The following RORA variants were observed in gnomAD, a reference collection of about 807,000 sequenced individuals.
RORA encodes nuclear receptor ROR-alpha.
A neutral mutation model predicts 69.5 loss-of-function variants in RORA; 7 were observed. That is an observed-to-expected ratio of 0.10 (90% CI 0.06 to 0.19). RORA has a LOEUF of 0.19. Among genes scored for constraint, RORA ranks in the 10% least tolerant of loss-of-function variants. RORA has a pLI of 1.00. For missense variants in RORA, 457 were observed against 663.0 expected, an observed-to-expected ratio of 0.69 and a Z score of 3.41; for synonymous variants, 261 against 240.8, an observed-to-expected ratio of 1.08 and a Z score of -0.78.
intron 1 of RORA, among the ~76,000 whole-genome samples, chr15:60,932,830 A>G (rs1448963962): frequency 6.6e-6 from 1 of 152,170 alleles, no homozygotes; most frequent in Non-Finnish European, 1.5e-5. Context: ...TTGTCTGCAA[A>G]GGGATGAATG....
At chr15:60,947,033 C>T (rs549045666) in intron 1 of RORA, among the ~76,000 whole-genome samples, 1 of 149,582 alleles carries the variant, frequency 6.7e-6, no homozygotes, top group Non-Finnish European at 1.5e-5. Context: ...CCAGCCCCCG[C>T]CCGGCCAGCC....
At chr15:61,206,572 G>A (rs2079943660) in intron 1 of RORA, among the ~76,000 whole-genome samples, 1 of 152,160 alleles carries the variant, frequency 6.6e-6, no homozygotes, top group African/African-American at 2.4e-5. Flanking sequence ...AAAAGAGGAT[G>A]CTGACCATCC....
intron 3 of RORA, among the ~76,000 whole-genome samples, chr15:60,523,084 A>T (rs1016793371): frequency 6.6e-6 from 1 of 152,054 alleles, no homozygotes; most frequent in Non-Finnish European, 1.5e-5. Context: ...ATAATAATGC[A>T]GATTAAACTT....
intron 10 of RORA, among the ~76,000 whole-genome samples, chr15:60,498,166 C>T (rs1361918433): frequency 1.3e-5 from 2 of 152,292 alleles, no homozygotes; most frequent in Non-Finnish European, 2.9e-5. Context: ...AAAAGATGTT[C>T]ATAAGCAAAA....
intron 1 of RORA, among the ~76,000 whole-genome samples, chr15:61,175,333 C>T (rs1264172444): frequency 6.6e-6 from 1 of 152,046 alleles, no homozygotes; most frequent in African/African-American, 2.4e-5. Flanking sequence ...GCCAAGCTGC[C>T]TCAAGGGCAG....
intron 1 of RORA, among the ~76,000 whole-genome samples, chr15:61,058,230 G>C (rs2078122773): frequency 2.0e-5 from 3 of 152,112 alleles, no homozygotes; most frequent in Non-Finnish European, 4.4e-5. Flanking sequence ...TTTTAGATGA[G>C]GGAAATATAG....
chr15:60,847,210 G>A (rs1372639177), intron 1 of RORA, among the ~76,000 whole-genome samples: 1 of 151,960 alleles, frequency 6.6e-6, no homozygotes, highest in Non-Finnish European at 1.5e-5. Context: ...AAAAAAATCG[G>A]GCTTTGGCTG....
At chr15:60,500,357 A>T (rs746461101) in intron 9 of RORA, among the ~76,000 whole-genome samples, 14 of 152,158 alleles carry the variant, frequency 9.2e-5, no homozygotes, top group Non-Finnish European at 1.9e-4. Context: ...TTCATTATCG[A>T]TCCTGCTAGC....
rs1450585071 is a variant in RORA at position 61,058,522 on chromosome 15, A to G, written c.166+170531T>C. On this transcript the variant is annotated intron_variant, in intron 1 of 10. Coordinates refer to ENST00000335670, the MANE Select transcript of RORA (RefSeq NM_134261.3). ...TTAAGGCCCTGGGTTCAGGTCTGTGATAGAAGTAAGCAAAAGGGGTAATCT... is the reference window on the plus strand; with the variant it reads ...TTAAGGCCCTGGGTTCAGGTCTGTGGTAGAAGTAAGCAAAAGGGGTAATCT... 3.3e-5 allele frequency among the ~76,000 whole-genome samples: 5 copies of G among 152,196 alleles called. No individual in the cohort carries two copies. In the East Asian group the frequency reaches 9.6e-4, roughly 29 times the overall value.
intron 5 of RORA, 128 bp from the exon 6 acceptor site, chr15:60,505,757 C>T (rs543542546): frequency 2.9e-6 from 3 of 1,035,496 alleles, no homozygotes; most frequent in African/African-American, 1.6e-5. Flanking sequence ...TGTCTTTACA[C>T]ATTTAAACAA....
intron 1 of RORA, among the ~76,000 whole-genome samples, chr15:60,902,426 A>G (rs887580100): frequency 6.6e-6 from 1 of 152,160 alleles, no homozygotes; most frequent in Admixed American, 6.6e-5. Flanking sequence ...AATGGGTTTG[A>G]AAAAAGAAAG....
intron 1 of RORA, among the ~76,000 whole-genome samples, chr15:60,779,646 C>A (rs2072225599): frequency 6.6e-6 from 1 of 152,218 alleles, no homozygotes; most frequent in Non-Finnish European, 1.5e-5. Flanking sequence ...TGTTAGTAAT[C>A]CACACTTCTT....
At chr15:60,950,198 A>G (rs958661345) in intron 1 of RORA, among the ~76,000 whole-genome samples, 1 of 151,660 alleles carries the variant, frequency 6.6e-6, no homozygotes, top group African/African-American at 2.4e-5. Flanking sequence ...AAGCTTCATA[A>G]GTGAAGGAGA....
intron 1 of RORA, among the ~76,000 whole-genome samples, chr15:60,904,960 T>C (rs1219318506): frequency 1.3e-5 from 2 of 152,090 alleles, no homozygotes; most frequent in Admixed American, 1.3e-4. Flanking sequence ...AAAACACATA[T>C]AAAACATGTC....
chr15:60,692,658 G>A (rs1766267777), intron 1 of RORA, among the ~76,000 whole-genome samples: 1 of 152,202 alleles, frequency 6.6e-6, no homozygotes, highest in Non-Finnish European at 1.5e-5. Flanking sequence ...ATGTTGGTAA[G>A]GCTGAATCTG....
chr15:60,691,189 C>T (rs2070817609), intron 1 of RORA, among the ~76,000 whole-genome samples: 1 of 152,154 alleles, frequency 6.6e-6, no homozygotes, highest in Non-Finnish European at 1.5e-5. Flanking sequence ...CCATTCAGAT[C>T]TTTGCTCAGC....
intron 1 of RORA, among the ~76,000 whole-genome samples, chr15:61,120,879 G>T (rs369551733): frequency 6.6e-6 from 1 of 150,904 alleles, no homozygotes; most frequent in Non-Finnish European, 1.5e-5. Context: ...ATCGAGTCTC[G>T]CTTTGTCTCC....
intron 1 of RORA, among the ~76,000 whole-genome samples, chr15:61,034,591 T>C (rs1037604860): frequency 6.6e-6 from 1 of 152,168 alleles, no homozygotes; most frequent in Admixed American, 6.6e-5. Context: ...GTAGGGAGGA[T>C]TATTTACCAA....
chr15:60,583,347 T>C (rs1244677565), intron 2 of RORA, among the ~76,000 whole-genome samples: 6 of 152,248 alleles, frequency 3.9e-5, no homozygotes, highest in Non-Finnish European at 1.5e-5. Context: ...TCCAGGGCAC[T>C]GAAACCTTTA....
Sources: allele counts gnomAD v4.1 joint callset (sites outside exome capture counted in the v4.1 genomes callset), GRCh38; gene constraint gnomAD v4.1.1; transcripts MANE v1.5; gene names NCBI Gene and HGNC (gene_info 2026-07-23, HGNC 2026-07-21).